PDE4D: variants seen among roughly 807,000 people sequenced by gnomAD.
The protein encoded by PDE4D is 3',5'-cyclic-AMP phosphodiesterase 4D.
Under a neutral mutation model 87.4 loss-of-function variants are expected in PDE4D, and 24 were observed. The observed-to-expected ratio is 0.27, with a 90% CI of 0.20 to 0.39. PDE4D has a LOEUF of 0.39. Ranked by LOEUF, PDE4D falls within the 10% of genes least tolerant of loss-of-function variation. PDE4D has a pLI of 1.00. For synonymous variants in PDE4D, 384 were observed against 383.2 expected (o/e 1.00, Z -0.02); for missense variants, 714 against 1,041.0 (o/e 0.69, Z 4.32).
At chr5:59,090,482 G>T (rs1246795721) in intron 5 of PDE4D, among the ~76,000 whole-genome samples, 1 of 152,088 alleles carries the variant, frequency 6.6e-6, no homozygotes, top group African/African-American at 2.4e-5. Flanking sequence ...AAGATGCTCT[G>T]AAGATTAGTG....
At chr5:59,081,477 C>T (rs1766740879) in intron 5 of PDE4D, among the ~76,000 whole-genome samples, 1 of 135,496 alleles carries the variant, frequency 7.4e-6, no homozygotes, top group Admixed American at 8.5e-5. Flanking sequence ...AATCATTTTG[C>T]TATCAAATAT....
intron 1 of PDE4D, among the ~76,000 whole-genome samples, chr5:59,273,491 CTG>C (rs1764245130): frequency 6.6e-6 from 1 of 151,912 alleles, no homozygotes; most frequent in Non-Finnish European, 1.5e-5. Flanking sequence ...AATGGCAAAA[CTG>C]TTACTACAGC....
At chr5:59,282,048 A>C (rs1352031513) in intron 1 of PDE4D, among the ~76,000 whole-genome samples, 1 of 152,118 alleles carries the variant, frequency 6.6e-6, no homozygotes, top group African/African-American at 2.4e-5. Context: ...GTGTGTTTTT[A>C]AAAATTATTC....
chr5:59,120,345 C>T (rs1774276292), intron 5 of PDE4D, among the ~76,000 whole-genome samples: 1 of 152,050 alleles, frequency 6.6e-6, no homozygotes, highest in South Asian at 2.1e-4. Context: ...AGTGGTAGCC[C>T]CATGACGTGC....
intron 1 of PDE4D, among the ~76,000 whole-genome samples, chr5:59,277,702 C>T (rs569601965): frequency 6.6e-6 from 1 of 152,124 alleles, no homozygotes; most frequent in Non-Finnish European, 1.5e-5. Flanking sequence ...TTTCAACTCT[C>T]CAGAAATAAT....
intron 1 of PDE4D, among the ~76,000 whole-genome samples, chr5:59,759,837 C>G (rs1761756879): frequency 1.3e-5 from 2 of 152,204 alleles, no homozygotes; most frequent in South Asian, 4.1e-4. Flanking sequence ...CAGCCCTCCT[C>G]TGGGTTCCTA....
intron 3 of PDE4D, among the ~76,000 whole-genome samples, chr5:59,926,396 A>G (rs182129965): frequency 3.7e-4 from 56 of 152,206 alleles, no homozygotes; most frequent in Admixed American, 7.2e-4. Context: ...CCTATATCAA[A>G]AAAAGAAGAA....
intron 1 of PDE4D, among the ~76,000 whole-genome samples, chr5:59,795,396 G>A (rs759047927): frequency 6.6e-6 from 1 of 152,090 alleles, no homozygotes; most frequent in African/African-American, 2.4e-5. Context: ...GTTCCCCGGT[G>A]GATCACGCTG....
intron 1 of PDE4D, among the ~76,000 whole-genome samples, chr5:60,362,701 A>C (rs1760171218): frequency 6.6e-6 from 1 of 152,146 alleles, no homozygotes; most frequent in African/African-American, 2.4e-5. Flanking sequence ...TCTACTAAAA[A>C]TACAAAAATT....
chr5:59,595,391 A>G lies in PDE4D; in HGVS notation c.455+297777T>C, dbSNP rs545352200. 2.2e-4 allele frequency among the ~76,000 whole-genome samples: 34 copies of G among 152,340 alleles called. No individual in the cohort carries two copies. In the South Asian group the frequency reaches 6.4e-3, roughly 29 times the overall value. On this transcript the variant is annotated intron_variant, in intron 1 of 14. Transcript: ENST00000340635. ...AAAAATAAAATAAAATAAACACACA[A>G]GAAAGAAGCAAGTCATCCATAATTC...
At chr5:59,521,449 G>T (rs1345619459) in intron 1 of PDE4D, among the ~76,000 whole-genome samples, 1 of 152,132 alleles carries the variant, frequency 6.6e-6, no homozygotes, top group Non-Finnish European at 1.5e-5. Context: ...GTAAAAGAGA[G>T]GATTTTTTTG....
chr5:60,122,276 C>T (rs926251093), intron 2 of PDE4D, among the ~76,000 whole-genome samples: 7 of 152,214 alleles, frequency 4.6e-5, no homozygotes, highest in African/African-American at 1.7e-4. Flanking sequence ...CTCCACTAGG[C>T]AGTGCCCCAG....
intron 1 of PDE4D, among the ~76,000 whole-genome samples, chr5:59,417,936 A>G (rs1284198473): frequency 6.6e-6 from 1 of 152,202 alleles, no homozygotes; most frequent in African/African-American, 2.4e-5. Flanking sequence ...AAAAACAACA[A>G]CAATAACAAC....
chr5:59,178,284 T>C (rs1784200974), intron 5 of PDE4D, among the ~76,000 whole-genome samples: 1 of 152,190 alleles, frequency 6.6e-6, no homozygotes, highest in East Asian at 1.9e-4. Context: ...TTTTAGTCAG[T>C]TCATTTCCTG....
chr5:59,205,587 T>C (rs767984699), intron 2 of PDE4D, among the ~76,000 whole-genome samples: 1 of 151,228 alleles, frequency 6.6e-6, no homozygotes, highest in Non-Finnish European at 1.5e-5. Context: ...TTCTGCAACA[T>C]TCTATTTCTG....
At chr5:59,198,088 G>T (rs10472097) in intron 2 of PDE4D, among the ~76,000 whole-genome samples, 142,914 of 152,198 alleles carry the variant, frequency 0.94, 67,704 homozygotes, top group Non-Finnish European at 0.98. Flanking sequence ...AAATTGTACC[G>T]CCTGGTAATG....
In PDE4D at chr5:58,973,911, A is replaced by C. The variant is rs1295061210; in HGVS notation, c.*753T>G. The C allele has an allele frequency of 1.3e-5, 2 of 152,670 alleles. No individual in the cohort carries two copies. Among genetic ancestry groups the C allele is most frequent in the Non-Finnish European group, 2.9e-5 (2 of 68,042 alleles). 9.5% of individuals were successfully genotyped at this position (152,670 alleles called of 1,614,324 possible). ...AATCAGTTAATTGCTATGAACTATA[A>C]GGTGCAAGTAAAATTCATAAATTAG... On this transcript the variant is annotated 3_prime_UTR_variant, in exon 15 of 15. Transcript: ENST00000340635.
chr5:60,165,168 T>A (rs1031320281), intron 2 of PDE4D, among the ~76,000 whole-genome samples: 2 of 152,198 alleles, frequency 1.3e-5, no homozygotes, highest in Non-Finnish European at 2.9e-5. Context: ...TAACCTAACA[T>A]GAGGTTCTCC....
chr5:59,369,323 C>G (rs903988501), intron 1 of PDE4D, among the ~76,000 whole-genome samples: 13 of 152,142 alleles, frequency 8.5e-5, no homozygotes, highest in Admixed American at 7.9e-4. Flanking sequence ...ATCTCCATCC[C>G]TGACATTTTG....
Sources: gnomAD v4.1 joint callset for allele counts (sites outside exome capture counted in the v4.1 genomes callset) on GRCh38, gnomAD v4.1.1 for gene constraint, MANE v1.5 for transcripts, NCBI Gene and HGNC (gene_info 2026-07-23, HGNC 2026-07-21) for gene names.